Variants in PLEKHG4B observed in about 807,000 individuals in gnomAD.
PLEKHG4B encodes pleckstrin homology and RhoGEF domain containing G4B, also known as pleckstrin homology domain-containing family G member 4B.
In PLEKHG4B, 111 loss-of-function variants were observed where a neutral mutation model predicts 121.3. That is an observed-to-expected ratio of 0.92 (90% confidence interval 0.78 to 1.07). The LOEUF is 1.07. PLEKHG4B is among the 50% of genes least tolerant of loss of function. PLEKHG4B has a pLI of 0.00. For synonymous variants in PLEKHG4B, 738 were observed against 725.0 expected, an observed-to-expected ratio of 1.02 and a Z score of -0.29; for missense variants, 1,831 against 1,757.8, an observed-to-expected ratio of 1.04 and a Z score of -0.74.
At chr5:122,562 G>A (rs1378172976) in intron 2 of PLEKHG4B, among the ~76,000 whole-genome samples, 1 of 152,042 alleles carries the variant, frequency 6.6e-6, no homozygotes, top group Non-Finnish European at 1.5e-5. Context: ...TGGGATTACA[G>A]GCATCCACCA....
At chr5:181,380 C>G (rs1736930331) in intron 18 of PLEKHG4B, 134 bp from the exon 19 acceptor site, 3 of 905,762 alleles carry the variant, frequency 3.3e-6, no homozygotes, top group Admixed American at 2.9e-5. Context: ...CCCCCATGCC[C>G]CTCGTGGGGC....
chr5:92,970 T>G (rs1191140188), intron 1 of PLEKHG4B, among the ~76,000 whole-genome samples: 1 of 152,100 alleles, frequency 6.6e-6, no homozygotes, highest in African/African-American at 2.4e-5. Flanking sequence ...GTTTTCAGGT[T>G]TTTCATGTGA....
intron 1 of PLEKHG4B, among the ~76,000 whole-genome samples, chr5:97,657 G>A (rs543921530): frequency 2.9e-4 from 43 of 148,562 alleles, no homozygotes; most frequent in African/African-American, 4.9e-4. Context: ...ATAACTCTCC[G>A]CTGTGTGGAT....
intron 13 of PLEKHG4B, among the ~76,000 whole-genome samples, chr5:168,863 TTC>T (rs370310972): frequency 7.5e-6 from 1 of 133,978 alleles, no homozygotes. Context: ...TGGAAGATTA[TTC>T]TTTTTTTTTT....
At chr5:175,320 C>T (rs1243859996) in intron 18 of PLEKHG4B, among the ~76,000 whole-genome samples, 2 of 151,864 alleles carry the variant, frequency 1.3e-5, no homozygotes, top group Non-Finnish European at 2.9e-5. Flanking sequence ...GTTTGCTCCC[C>T]CCACCGACTT....
At position 176,012 on chromosome 5, in the gene PLEKHG4B, G is replaced by A. The variant is rs544035100; in HGVS notation, c.4402+1914G>A. ...CAGGGCTCCTGCACGGCTGCACCCC[G>A]CCTGAGCCCTGACCCCCTCCAGGTG... On this transcript the variant is annotated intron_variant, in intron 18 of 19. Coordinates refer to ENST00000637938, the MANE Select transcript of PLEKHG4B (RefSeq NM_052909.5). 2.4e-4 allele frequency among the ~76,000 whole-genome samples: 27 copies of A among 112,950 alleles called. 4 individuals are homozygous for A. Among genetic ancestry groups the A allele is most frequent in the African/African-American group, 6.7e-4 (24 of 35,946 alleles). The allele number at this position is 112,950 out of a possible 152,430, so 74.1% of individuals were successfully genotyped here. A position where few individuals can be genotyped will look rare whatever the true frequency, so the allele number is the denominator to read the frequency against.
rs769429661 is a variant in PLEKHG4B at position 162,925 on chromosome 5, G to T, written c.2853G>T (p.Arg951=). ...QDLWLQYPQT[R]LRLEEALSEA... Reference sequence around the variant, plus strand: ...TGTGGCTGCAGTACCCCCAGACCCGGCTCCGTCTGGAAGAGGCCCTTTCTG... The same window carrying T: ...TGTGGCTGCAGTACCCCCAGACCCGTCTCCGTCTGGAAGAGGCCCTTTCTG... The change falls in exon 13 of 20, where the codon CGG becomes CGT. Residue 951 remains arginine, a synonymous_variant. Transcript: ENST00000637938. 1 of 1,544,902 alleles carries T rather than the reference G, an allele frequency of 6.5e-7. No individual in the cohort carries two copies. Among genetic ancestry groups the T allele is most frequent in the Non-Finnish European group, 8.7e-7 (1 of 1,145,216 alleles).
intron 12 of PLEKHG4B, 51 bp downstream of exon 12, chr5:161,995 T>TG (rs1175934546): frequency 6.5e-7 from 1 of 1,541,592 alleles, no homozygotes; most frequent in Non-Finnish European, 8.7e-7. Flanking sequence ...CCTTAGGCTG[T>TG]GGACATCTAG....
chr5:162,256 CGCCTGCG>C (rs1736036421), intron 12 of PLEKHG4B, among the ~76,000 whole-genome samples: 4 of 70,554 alleles, frequency 5.7e-5, no homozygotes, highest in African/African-American at 2.5e-4. Flanking sequence ...GCAGACTGCT[CGCCTGCG>C]AGCTCCCACG....
At position 189,773 on chromosome 5, in the gene PLEKHG4B, C is replaced by T. The variant is rs1342326750; in HGVS notation, c.*7450C>T. ...TAGCCATGGTCTCCACCCTCCGAGA[C>T]CCAGGGGCCCCGCAGTGACAGCAGG... On this transcript the variant is annotated 3_prime_UTR_variant, in exon 20 of 20. Coordinates refer to ENST00000637938, the MANE Select transcript of PLEKHG4B (RefSeq NM_052909.5). The T allele has an allele frequency of 6.6e-6, 1 of 152,108 alleles. No individual in the cohort carries two copies. Among genetic ancestry groups the T allele is most frequent in the Admixed American group, 6.6e-5 (1 of 15,264 alleles). The allele number at this position is 152,108 out of a possible 1,614,324, so 9.4% of individuals were successfully genotyped here.
Position 162,983 on chromosome 5 carries a change from G to T in PLEKHG4B, c.2911G>T (p.Ala971Ser), listed in dbSNP as rs901866069. Residue 971 changes from alanine to serine, a missense_variant, in exon 13 of 20, where the codon GCC becomes TCC. Coordinates refer to ENST00000637938, the MANE Select transcript of PLEKHG4B (RefSeq NM_052909.5). The part of the protein sequence containing the change: ...AAPDPSLPPL[A>S]QSPPKHERAQ... ...CCCAGACCCCAGCTTACCGCCCCTT[G>T]CCCAGAGCCCCCCAAAGCATGAGCG... 1.3e-6 allele frequency: 2 copies of T among 1,567,574 alleles called. No individual in the cohort carries two copies. The highest frequency in any genetic ancestry group is 1.7e-6 in the Non-Finnish European group (2 of 1,156,280).
chr5:156,914 C>T lies in PLEKHG4B; in HGVS notation c.2487+3C>T. On this transcript the variant is annotated splice_donor_region_variant and intron_variant, in intron 11 of 19. Transcript: ENST00000637938. The surrounding 1 kb of genome is among the most constrained non-coding windows in gnomAD (Gnocchi z 4.4). ...CACTCCTGGAAGGGAATGACCAGGT[C>T]AGAGCTGCAGGAGGAAGGCGGCCCG... is the stretch of plus-strand genomic sequence containing the variant. 6.2e-7 allele frequency: 1 copy of T among 1,611,436 alleles called. No homozygotes were observed. The highest frequency in any genetic ancestry group is 8.5e-7 in the Non-Finnish European group (1 of 1,179,266).
At chr5:155,921 C>A in intron 9 of PLEKHG4B, 150 bp from the exon 10 acceptor site, 2 of 795,146 alleles carry the variant, frequency 2.5e-6, no homozygotes, top group Admixed American at 2.7e-5. Flanking sequence ...TGGGACAGTC[C>A]GGACCATCAG....
chr5:127,420 G>A (rs374136906), intron 2 of PLEKHG4B, among the ~76,000 whole-genome samples: 5 of 149,978 alleles, frequency 3.3e-5, no homozygotes, highest in South Asian at 2.1e-4. Context: ...AGGTGTAACC[G>A]TAAGGTCATT....
intron 17 of PLEKHG4B, 84 bp downstream of exon 17, chr5:173,151 C>A: frequency 7.4e-7 from 1 of 1,355,082 alleles, no homozygotes; most frequent in South Asian, 1.3e-5. Flanking sequence ...CTAAGGCCAG[C>A]AGAGGAACTG....
chr5:162,473 C>T (rs924486471), intron 12 of PLEKHG4B, among the ~76,000 whole-genome samples: 4 of 152,262 alleles, frequency 2.6e-5, no homozygotes, highest in African/African-American at 9.6e-5. Flanking sequence ...ACAATGTCTT[C>T]ACGTGGTCCT....
chr5:95,948 T>C (rs1733617007), intron 1 of PLEKHG4B, among the ~76,000 whole-genome samples: 1 of 152,228 alleles, frequency 6.6e-6, no homozygotes, highest in South Asian at 2.1e-4. Context: ...AGGTATAGTT[T>C]GGTGGAAACT....
At chr5:95,847 ACC>A (rs1280598310) in intron 1 of PLEKHG4B, among the ~76,000 whole-genome samples, 2 of 152,050 alleles carry the variant, frequency 1.3e-5, no homozygotes, top group African/African-American at 2.4e-5. Context: ...GAGGGGGATG[ACC>A]CACCTCTCTA....
At chr5:127,742 T>C (rs1229168043) in intron 2 of PLEKHG4B, among the ~76,000 whole-genome samples, 1 of 152,156 alleles carries the variant, frequency 6.6e-6, no homozygotes, top group African/African-American at 2.4e-5. Flanking sequence ...AGTCAAACTC[T>C]GTAAAATGTT....
Sources: gnomAD v4.1 joint callset for allele counts (sites outside exome capture counted in the v4.1 genomes callset) on GRCh38, gnomAD v4.1.1 for gene constraint, Gnocchi (gnomAD v3.1) non-coding constraint, MANE v1.5 for transcripts, NCBI Gene and HGNC (gene_info 2026-07-23, HGNC 2026-07-21) for gene names.